Variants in CCDC91 observed in about 807,000 individuals in gnomAD.
CCDC91 encodes coiled-coil domain containing 91.
A neutral mutation model predicts 63.2 loss-of-function variants in CCDC91; 48 were observed. That is an observed-to-expected ratio of 0.76 (90% CI 0.60 to 0.97). CCDC91 has a LOEUF of 0.97. Ranked by LOEUF, CCDC91 falls within the 50% of genes least tolerant of loss-of-function variation. The pLI is 0.00. For missense variants in CCDC91, 500 were observed against 494.6 expected (o/e 1.01, Z -0.10); for synonymous variants, 167 against 165.8 (o/e 1.01, Z -0.06).
chr12:28,515,210 T>G (rs1288855684), intron 12 of CCDC91, among the ~76,000 whole-genome samples: 17 of 151,822 alleles, frequency 1.1e-4, no homozygotes, highest in Admixed American at 9.9e-4. Context: ...TTCTTATTTC[T>G]TATGGGGGAC....
chr12:28,476,399 T>C (rs151040802), intron 11 of CCDC91, among the ~76,000 whole-genome samples: 133 of 152,182 alleles, frequency 8.7e-4, no homozygotes, highest in Middle Eastern at 3.4e-3. Flanking sequence ...AAGGCACAAA[T>C]AAAGATGTTC....
chr12:28,456,585 T>A (rs144802898), intron 11 of CCDC91, among the ~76,000 whole-genome samples: 32 of 152,292 alleles, frequency 2.1e-4, no homozygotes, highest in African/African-American at 7.0e-4. Context: ...ACATATCAAA[T>A]TACACACTTA....
rs543342323 is a variant in CCDC91 at position 28,469,110 on chromosome 12, A to C, written c.1102-14942A>C. The stretch of plus-strand genomic sequence containing the variant: ...AGAGTAGTCAGACAAGAAAAAGAAT[A>C]AAAGGCATCCAAACTGGAAAGGGAG... On this transcript the variant is annotated intron_variant, in intron 11 of 12. Coordinates refer to ENST00000536442, the MANE Select transcript of CCDC91 (RefSeq NM_018318.5). Among the ~76,000 whole-genome samples the C allele has an allele frequency of 2.6e-5, 4 of 152,174 alleles. No homozygotes were observed. The East Asian group carries it at 7.7e-4, about 29-fold the overall frequency.
chr12:28,409,961 C>T (rs966394294), intron 8 of CCDC91, among the ~76,000 whole-genome samples: 1 of 151,960 alleles, frequency 6.6e-6, no homozygotes, highest in Non-Finnish European at 1.5e-5. Context: ...TATAGTCTGT[C>T]TTTGTAAGCA....
chr12:28,524,345 T>C (rs1332118405), intron 12 of CCDC91, among the ~76,000 whole-genome samples: 2 of 152,136 alleles, frequency 1.3e-5, no homozygotes, highest in Non-Finnish European at 1.5e-5. Flanking sequence ...AATGTTGGAT[T>C]TTGTCAAATG....
intron 8 of CCDC91, among the ~76,000 whole-genome samples, chr12:28,441,099 A>AAAGATG: frequency 6.6e-6 from 1 of 150,552 alleles, no homozygotes; most frequent in East Asian, 1.9e-4. Flanking sequence ...AGAAAAAGAA[A>AAAGATG]GAACTTAGAA....
At chr12:28,340,261 A>G (rs1942316620) in intron 6 of CCDC91, among the ~76,000 whole-genome samples, 1 of 152,152 alleles carries the variant, frequency 6.6e-6, no homozygotes, top group Admixed American at 6.5e-5. Flanking sequence ...TTGTTTTATC[A>G]TTTTGCAAAT....
chr12:28,254,237 C>G (rs1210821799), intron 1 of CCDC91, among the ~76,000 whole-genome samples: 4 of 152,090 alleles, frequency 2.6e-5, no homozygotes, highest in African/African-American at 9.7e-5. Flanking sequence ...AAACTTTCAG[C>G]GTAGATTCCT....
At chr12:28,382,016 G>A (rs142170208) in intron 7 of CCDC91, among the ~76,000 whole-genome samples, 1 of 151,968 alleles carries the variant, frequency 6.6e-6, no homozygotes, top group African/African-American at 2.4e-5. Flanking sequence ...AATCACATCT[G>A]TCAGGTACCA....
At chr12:28,398,551 A>G (rs1375054900) in intron 8 of CCDC91, among the ~76,000 whole-genome samples, 1 of 152,136 alleles carries the variant, frequency 6.6e-6, no homozygotes, top group African/African-American at 2.4e-5. Context: ...TTGCTGTGTC[A>G]TATGGTAAGT....
intron 6 of CCDC91, among the ~76,000 whole-genome samples, chr12:28,330,793 A>G (rs1412217399): frequency 1.3e-5 from 2 of 152,170 alleles, no homozygotes; most frequent in African/African-American, 4.8e-5. Context: ...ACTGATAAAT[A>G]CTACACTTTA....
chr12:28,468,533 A>C (rs903454908), intron 11 of CCDC91, among the ~76,000 whole-genome samples: 1 of 152,018 alleles, frequency 6.6e-6, no homozygotes, highest in African/African-American at 2.4e-5. Flanking sequence ...AACTAATACC[A>C]ATCCTTCTCA....
chr12:28,402,915 T>C (rs1298796443), intron 8 of CCDC91, among the ~76,000 whole-genome samples: 2 of 152,196 alleles, frequency 1.3e-5, no homozygotes, highest in African/African-American at 4.8e-5. Context: ...ATGCTATTTT[T>C]CTTTAGCTTG....
chr12:28,243,491 T>C lies in CCDC91; in HGVS notation c.-14-13711T>C, dbSNP rs151006753. On this transcript the variant is annotated intron_variant, in intron 1 of 12. Coordinates refer to ENST00000536442, the MANE Select transcript of CCDC91 (RefSeq NM_018318.5). ...CAAACAGGTAGCAAAATTTGATAGA[T>C]TGGTATACGTAAATTAGTACCTCTC... 3.6e-3 allele frequency among the ~76,000 whole-genome samples: 547 copies of C among 152,332 alleles called. 3 individuals are homozygous for C. The highest frequency in any genetic ancestry group is 6.0e-3 in the South Asian group (29 of 4,826).
chr12:28,351,023 TTC>T (rs1237033991), intron 6 of CCDC91, among the ~76,000 whole-genome samples: 1 of 152,198 alleles, frequency 6.6e-6, no homozygotes, highest in Non-Finnish European at 1.5e-5. Flanking sequence ...TGTTACCGTG[TTC>T]TTCCTGGCCC....
chr12:28,508,106 A>C lies in CCDC91; in HGVS notation c.1215+23941A>C, dbSNP rs193034712. On this transcript the variant is annotated intron_variant, in intron 12 of 12. Coordinates refer to ENST00000536442, the MANE Select transcript of CCDC91 (RefSeq NM_018318.5). ...TTCCAGCAGCTGGAGAAATTAGTAC[A>C]TTAGTCCTGAAGGCAGGCTCTGAGT... Among the ~76,000 whole-genome samples the C allele has an allele frequency of 8.8e-4, 133 of 151,990 alleles. 1 individual carries two copies. The highest frequency in any genetic ancestry group is 2.8e-3 in the Admixed American group (43 of 15,236).
At chr12:28,310,186 A>G (rs3825246) in intron 6 of CCDC91, among the ~76,000 whole-genome samples, 30,453 of 151,952 alleles carry the variant, frequency 0.2, 3,997 homozygotes, top group Non-Finnish European at 0.3. Flanking sequence ...TAATGAGATA[A>G]CTTTGTGTTT....
At chr12:28,492,373 AT>A (rs1029680578) in intron 12 of CCDC91, among the ~76,000 whole-genome samples, 2 of 151,692 alleles carry the variant, frequency 1.3e-5, no homozygotes, top group African/African-American at 4.8e-5. Context: ...ATTTATAAAG[AT>A]TTTTTTATAT....
chr12:28,348,992 G>A (rs937310378), intron 6 of CCDC91, among the ~76,000 whole-genome samples: 3 of 152,290 alleles, frequency 2.0e-5, no homozygotes, highest in Admixed American at 2.0e-4. Context: ...CCAAAGTGAT[G>A]GGATTACAGG....
Sources: allele counts gnomAD v4.1 joint callset (sites outside exome capture counted in the v4.1 genomes callset), GRCh38; gene constraint gnomAD v4.1.1; transcripts MANE v1.5; gene names NCBI Gene and HGNC (gene_info 2026-07-23, HGNC 2026-07-21).